The following SETD1B variants were observed in gnomAD, a reference collection of about 807,000 sequenced individuals.
The protein encoded by SETD1B is SET domain containing 1B, histone lysine methyltransferase.
Under a neutral mutation model 148.0 loss-of-function variants are expected in SETD1B, and 7 were observed. The observed-to-expected ratio is 0.05, with a 90% CI of 0.03 to 0.09. The LOEUF (loss-of-function observed/expected upper bound fraction) is 0.09, where lower values mean the gene tolerates loss of function less well. Among genes scored for constraint, SETD1B ranks in the 10% least tolerant of loss-of-function variants. SETD1B has a pLI of 1.00. For missense variants in SETD1B, 2,155 were observed against 2,729.9 expected (o/e 0.79, Z 4.69); for synonymous variants, 1,361 against 1,186.5 (o/e 1.15, Z -3.02).
Position 121,810,190 on chromosome 12 carries a change from C to G in SETD1B, c.1245C>G (p.Thr415=), listed in dbSNP as rs768205948. The G allele has an allele frequency of 7.7e-6, 12 of 1,549,600 alleles. No individual in the cohort carries two copies. Among genetic ancestry groups the G allele is most frequent in the Non-Finnish European group, 9.6e-6 (11 of 1,146,814 alleles). ...TCCCTCCACCCCCGGAAGAGCCCACCGCCACAGCCGCTTTTGGGGCCCGCG... is the reference window on the plus strand; with the variant it reads ...TCCCTCCACCCCCGGAAGAGCCCACGGCCACAGCCGCTTTTGGGGCCCGCG... ...AHFPPPPEEP[T]ATAAFGARDS... is the part of the protein sequence containing the mutation. Residue 415 remains threonine, a synonymous_variant, in exon 6 of 17, where the codon ACC becomes ACG. Coordinates refer to ENST00000604567, the MANE Select transcript of SETD1B (RefSeq NM_001353345.2). The surrounding 1 kb of genome is among the most constrained non-coding windows in gnomAD (Gnocchi z 7.6).
rs1300558177 is a variant in SETD1B, at chr12:121,810,017, G to A, written c.1072G>A (p.Gly358Ser). ...CTCGGACCTCCCGTTCGGAGCAGTCGGCGGCACTGGGGGCAGCAGCGGTCC... is the reference window on the plus strand; with the variant it reads ...CTCGGACCTCCCGTTCGGAGCAGTCAGCGGCACTGGGGGCAGCAGCGGTCC... Reference protein sequence around the residue: ...GSSDLPFGAVGGTGGSSGPPF... With the variant: ...GSSDLPFGAVSGTGGSSGPPF... The change falls in exon 6 of 17, where the codon GGC becomes AGC. Residue 358 changes from glycine (G) to serine (S), a missense_variant. By Grantham distance (56) the Gly-to-Ser change is moderately conservative (BLOSUM62 0). Around this residue, in one of 11 missense-constraint regions of SETD1B, gnomAD observed 376 missense variants for 385.0 expected, o/e 0.98. Transcript: ENST00000604567. This position sits in a 1 kb window ranked among gnomAD's most constrained non-coding sequence, Gnocchi z 7.6. 14 of 1,550,422 alleles carry A rather than the reference G, an allele frequency of 9.0e-6. No individual in the cohort carries two copies. Among genetic ancestry groups the A allele is most frequent in the Admixed American group, 2.0e-5 (1 of 50,990 alleles).
At chr12:121,829,857 G>T (rs1370226274) in intron 16 of SETD1B, among the ~76,000 whole-genome samples, 1 of 152,178 alleles carries the variant, frequency 6.6e-6, no homozygotes, top group Admixed American at 6.5e-5. Flanking sequence ...GAAAGGCCTG[G>T]GAAATAATTT....
intron 7 of SETD1B, among the ~76,000 whole-genome samples, chr12:121,815,725 G>A (rs1876260693): frequency 6.6e-6 from 1 of 151,938 alleles, no homozygotes; most frequent in Non-Finnish European, 1.5e-5. Context: ...TGCCCAGGCT[G>A]GTCTTGAACT....
intron 12 of SETD1B, among the ~76,000 whole-genome samples, chr12:121,824,271 G>A (rs551565884): frequency 6.6e-6 from 1 of 152,314 alleles, no homozygotes; most frequent in African/African-American, 2.4e-5. Flanking sequence ...AGGCTTGGCT[G>A]TTCACATAGG....
chr12:121,793,555 C>A, the SETD1B span: 1 of 1,549,404 alleles, frequency 6.5e-7, no homozygotes, highest in Middle Eastern at 2.0e-4. Context: ...CAGCCGCCGT[C>A]GCCCACGATC....
chr12:121,824,979 CAAAAAAAA>C (rs780514725), intron 12 of SETD1B, among the ~76,000 whole-genome samples: 1 of 57,182 alleles, frequency 1.7e-5, no homozygotes, highest in East Asian at 6.1e-4. Context: ...GACCCTGTCT[CAAAAAAAA>C]AAAAAAAAAA....
Position 121,817,807 on chromosome 12 carries a change from C to A in SETD1B, c.3321C>A (p.Asp1107Glu). ...TCTTCCTTCTCCCCCAGGATGACGACGATGACGACAGTGATGACCGGGACG... is the reference window on the plus strand; with the variant it reads ...TCTTCCTTCTCCCCCAGGATGACGAAGATGACGACAGTGATGACCGGGACG... ...STSSTSDKDD[D>E]DDDSDDRDES... Residue 1107 changes from aspartate to glutamate, a missense_variant, in exon 10 of 17, where the codon GAC (aspartate) becomes GAA (glutamate). Coordinates refer to ENST00000604567, the MANE Select transcript of SETD1B (RefSeq NM_001353345.2). The surrounding 1 kb of genome is among the most constrained non-coding windows in gnomAD (Gnocchi z 8.1). 6.5e-7 allele frequency: 1 copy of A among 1,549,708 alleles called. No individual in the cohort carries two copies.
intron 16 of SETD1B, 112 bp from the exon 17 acceptor site, chr12:121,829,954 G>A (rs989343438): frequency 1.0e-6 from 1 of 962,580 alleles, no homozygotes; most frequent in Non-Finnish European, 1.5e-6. Context: ...TGGGCTGGGG[G>A]TCACGTGGCA....
At chr12:121,802,555 A>T (rs3741594), upstream of SETD1B, 1 of 152,086 alleles carries the variant, frequency 6.6e-6, no homozygotes, top group Non-Finnish European at 1.5e-5. Context: ...CAGTCAAGAG[A>T]ATACAGATTA....
In SETD1B at chr12:121,831,580, A is replaced by T. The variant is rs1349922495; in HGVS notation, c.*1341A>T. 2.6e-5 allele frequency: 4 copies of T among 152,098 alleles called. No homozygotes were observed. Among genetic ancestry groups the T allele is most frequent in the African/African-American group, 9.7e-5 (4 of 41,426 alleles). 9.4% of individuals were successfully genotyped at this position (152,098 alleles called of 1,614,324 possible). A position where few individuals can be genotyped will look rare whatever the true frequency, so the allele number is the denominator to read the frequency against. On this transcript the variant is annotated 3_prime_UTR_variant, in exon 17 of 17. Coordinates refer to ENST00000604567, the MANE Select transcript of SETD1B (RefSeq NM_001353345.2). ...CTTGGGAACATTGTTTCTTGTAGAA[A>T]CATGCGGGAAGACATTTTTTGCTCA... is the stretch of plus-strand genomic sequence containing the variant.
In SETD1B at chr12:121,817,135, G is replaced by A; in HGVS notation, c.2818G>A (p.Glu940Lys). 4 of 1,548,902 alleles carry A rather than the reference G, an allele frequency of 2.6e-6. No homozygotes were observed. Among genetic ancestry groups the A allele is most frequent in the Non-Finnish European group, 3.5e-6 (4 of 1,146,910 alleles). ...CCTGCTGGAGTCATGGGGCAAGGGC[G>A]AGGGCCTGGGCTACGAGGGCCTGGG... ...SCLLESWGKG[E>K]GLGYEGLGLG... is the part of the protein sequence containing the mutation. Residue 940 changes from glutamate (E) to lysine (K), a missense_variant, in exon 8 of 17, where the codon GAG becomes AAG. Physicochemically the swap from Glu to Lys is moderately conservative, Grantham distance 56. Coordinates refer to ENST00000604567, the MANE Select transcript of SETD1B (RefSeq NM_001353345.2). This position sits in a 1 kb window ranked among gnomAD's most constrained non-coding sequence, Gnocchi z 8.1.
At position 121,810,450 on chromosome 12, in the gene SETD1B, G is replaced by A. The variant is rs1481318212; in HGVS notation, c.1505G>A (p.Arg502His). The A allele has an allele frequency of 6.5e-7, 1 of 1,548,858 alleles. No homozygotes were observed. The highest frequency in any genetic ancestry group is 1.4e-5 in the African/African-American group (1 of 73,166). ...PEKPHDSLDS[R>H]IEMLLKEQRT... The stretch of plus-strand genomic sequence containing the variant: ...AAACCCCACGACAGCCTGGACTCGC[G>A]CATCGAGATGCTGCTGAAGGAGCAG... Residue 502 changes from arginine (R) to histidine (H), a missense_variant, in exon 6 of 17, where the codon CGC becomes CAC. Coordinates refer to ENST00000604567, the MANE Select transcript of SETD1B (RefSeq NM_001353345.2). This position sits in a 1 kb window ranked among gnomAD's most constrained non-coding sequence, Gnocchi z 7.6.
chr12:121,793,663 G>A, the SETD1B span: 3 of 1,510,822 alleles, frequency 2.0e-6, no homozygotes. Context: ...TGGCGGCGGC[G>A]CGCCGGGCAC....
intron 11 of SETD1B, among the ~76,000 whole-genome samples, chr12:121,822,023 A>G (rs1201783022): frequency 1.3e-5 from 2 of 152,232 alleles, no homozygotes; most frequent in African/African-American, 4.8e-5. Flanking sequence ...TCTAGGCTGC[A>G]GTGACCGTGA....
chr12:121,817,357 T>C lies in SETD1B; in HGVS notation c.2978-13T>C. 3.3e-6 allele frequency: 5 copies of C among 1,530,788 alleles called. No individual in the cohort carries two copies. The highest frequency in any genetic ancestry group is 4.4e-6 in the Non-Finnish European group (5 of 1,134,768). The allele number at this position is 1,530,788 out of a possible 1,614,324, so 94.8% of individuals were successfully genotyped here. ...TCCCCCCAGCCCAGCTCTGACTCCC[T>C]CCCTTCCTGCAGAGTCCGAGCGAGA... On this transcript the variant is annotated splice_polypyrimidine_tract_variant and intron_variant, in intron 8 of 16. Coordinates refer to ENST00000604567, the MANE Select transcript of SETD1B (RefSeq NM_001353345.2). This position sits in a 1 kb window ranked among gnomAD's most constrained non-coding sequence, Gnocchi z 8.1.
rs1184276029 is a variant in SETD1B, at chr12:121,808,289, C to T, written c.626C>T (p.Ala209Val). The change falls in exon 5 of 17, where the codon GCT becomes GTT. Residue 209 changes from alanine to valine, a missense_variant. Ala to Val is a moderately conservative substitution (Grantham distance 64). Transcript: ENST00000604567. This position sits in a 1 kb window ranked among gnomAD's most constrained non-coding sequence, Gnocchi z 5.3. Reference protein sequence around the residue: ...PQTLPVGELDAVSPIVNETLQ... With the variant: ...PQTLPVGELDVVSPIVNETLQ... ...ACCCTCCCAGTGGGCGAGCTGGACGCTGTCTCTCCAATCGTGAATGAGACC... is the reference window on the plus strand; with the variant it reads ...ACCCTCCCAGTGGGCGAGCTGGACGTTGTCTCTCCAATCGTGAATGAGACC... 6.4e-7 allele frequency: 1 copy of T among 1,551,044 alleles called. No individual in the cohort carries two copies. Among genetic ancestry groups the T allele is most frequent in the South Asian group, 1.2e-5 (1 of 83,992 alleles).
chr12:121,826,578 G>A (rs528286267), intron 13 of SETD1B, among the ~76,000 whole-genome samples: 4 of 152,250 alleles, frequency 2.6e-5, no homozygotes, highest in Non-Finnish European at 4.4e-5. Context: ...CACCAGGGTC[G>A]GGGGTACTGT....
At chr12:121,799,038 T>C (rs1478930331), upstream of SETD1B, 1 of 152,254 alleles carries the variant, frequency 6.6e-6, no homozygotes, top group African/African-American at 2.4e-5. Context: ...GGGAACTTGT[T>C]AGAAATGCCA....
At chr12:121,793,417 TG>T in the SETD1B span, 4 of 1,514,510 alleles carry the variant, frequency 2.6e-6, no homozygotes, top group Non-Finnish European at 3.5e-6. Context: ...CTCGGGACGC[TG>T]GGGACTGAGG....
Sources: gnomAD v4.1 joint callset for allele counts (sites outside exome capture counted in the v4.1 genomes callset) on GRCh38, gnomAD v4.1.1 for gene constraint, gnomAD v4.1.1 regional missense constraint, Gnocchi (gnomAD v3.1) non-coding constraint, MANE v1.5 for transcripts, NCBI Gene and HGNC (gene_info 2026-07-23, HGNC 2026-07-21) for gene names.